The following CCDC3 variants were observed in gnomAD, a reference collection of about 807,000 sequenced individuals.
The protein encoded by CCDC3 is coiled-coil domain-containing protein 3.
Under a neutral mutation model 21.4 loss-of-function variants are expected in CCDC3, and 24 were observed. That is an observed-to-expected ratio of 1.12 (90% CI 0.81 to 1.58). The LOEUF (loss-of-function observed/expected upper bound fraction) is 1.58. CCDC3 is among the 40% of genes most tolerant of loss of function. CCDC3 has a pLI of 0.00. For missense variants in CCDC3, 425 were observed against 360.9 expected (o/e 1.18, Z -1.44); for synonymous variants, 186 against 166.0 (o/e 1.12, Z -0.93).
chr10:13,080,192 A>G (rs540621687), intron 3 of CCDC3, among the ~76,000 whole-genome samples: 51 of 152,234 alleles, frequency 3.4e-4, no homozygotes, highest in South Asian at 1.9e-3. Flanking sequence ...ACGGGATGGC[A>G]AAGAGAGAGA....
chr10:12,970,670 G>T (rs367931363), intron 2 of CCDC3, among the ~76,000 whole-genome samples: 2 of 152,290 alleles, frequency 1.3e-5, no homozygotes, highest in African/African-American at 4.8e-5. Flanking sequence ...GGGATCACCT[G>T]AGGCCAAGAG....
intron 5 of CCDC3, among the ~76,000 whole-genome samples, chr10:13,047,133 A>C (rs985738073): frequency 6.6e-6 from 1 of 152,224 alleles, no homozygotes; most frequent in Non-Finnish European, 1.5e-5. Context: ...GCTCATCGCC[A>C]TTCAGTTCTC....
intron 3 of CCDC3, among the ~76,000 whole-genome samples, chr10:13,090,703 A>G (rs1832556871): frequency 6.6e-6 from 1 of 152,234 alleles, no homozygotes; most frequent in Admixed American, 6.5e-5. Flanking sequence ...CCATAGATTG[A>G]AATCCTCACC....
chr10:12,965,176 C>T (rs773688126), intron 2 of CCDC3, among the ~76,000 whole-genome samples: 10 of 152,202 alleles, frequency 6.6e-5, no homozygotes, highest in Non-Finnish European at 1.3e-4. Flanking sequence ...AAATTGCCTA[C>T]ATCCCCCCTC....
At chr10:13,090,034 G>GATATATAT (rs66476163) in intron 3 of CCDC3, among the ~76,000 whole-genome samples, 9 of 129,148 alleles carry the variant, frequency 7.0e-5, no homozygotes, top group African/African-American at 2.1e-4. Context: ...TATTCCGTTA[G>GATATATAT]ATATATATAT....
At chr10:12,936,522 C>T (rs1207857381) in intron 2 of CCDC3, among the ~76,000 whole-genome samples, 5 of 152,056 alleles carry the variant, frequency 3.3e-5, no homozygotes, top group Admixed American at 6.5e-5. Flanking sequence ...CCACTGTGCC[C>T]GGCCACTTTC....
At chr10:12,958,617 C>G (rs549715044) in intron 2 of CCDC3, among the ~76,000 whole-genome samples, 1 of 152,186 alleles carries the variant, frequency 6.6e-6, no homozygotes, top group Non-Finnish European at 1.5e-5. Context: ...CAGCTCAAAA[C>G]TTCCATAGAG....
At chr10:12,913,293 T>G (rs1459964218) in intron 2 of CCDC3, among the ~76,000 whole-genome samples, 2 of 152,250 alleles carry the variant, frequency 1.3e-5, no homozygotes, top group African/African-American at 4.8e-5. Context: ...GTACAGTGGT[T>G]TCACCATTTT....
intron 5 of CCDC3, among the ~76,000 whole-genome samples, chr10:13,022,006 T>C (rs825419): frequency 1 from 151,681 of 152,180 alleles, 75,598 homozygotes; most frequent in East Asian, 1. Flanking sequence ...GTGATCTGCC[T>C]GCCTTGGCCT....
intron 2 of CCDC3, among the ~76,000 whole-genome samples, chr10:12,910,741 C>G (rs1308523220): frequency 6.6e-6 from 1 of 151,766 alleles, no homozygotes; most frequent in East Asian, 1.9e-4. Context: ...TCCTGAGTAG[C>G]TGGGACTACA....
chr10:12,908,994 C>T (rs1834222003), intron 2 of CCDC3, among the ~76,000 whole-genome samples: 1 of 152,144 alleles, frequency 6.6e-6, no homozygotes, highest in African/African-American at 2.4e-5. Flanking sequence ...TTCAGGATCC[C>T]AGAAAATCCA....
At chr10:13,065,773 C>T (rs1404762921) in intron 4 of CCDC3, among the ~76,000 whole-genome samples, 3 of 152,112 alleles carry the variant, frequency 2.0e-5, no homozygotes. Context: ...TCAATACTTA[C>T]CAGTTGATGC....
At chr10:13,073,991 C>T (rs1183301653) in exon 4 of CCDC3, 1 of 136,020 alleles carries the variant, frequency 7.4e-6, no homozygotes, top group East Asian at 2.2e-4. Flanking sequence ...TCTTTGTAAG[C>T]ACTAAGTTAC....
chr10:12,979,454 A>G (rs1835464427), intron 2 of CCDC3, among the ~76,000 whole-genome samples: 1 of 151,904 alleles, frequency 6.6e-6, no homozygotes, highest in African/African-American at 2.4e-5. Flanking sequence ...GTGCAGTGGC[A>G]TGATCACAGC....
chr10:13,058,021 G>A (rs757024401), intron 4 of CCDC3: 2 of 729,260 alleles, frequency 2.7e-6, no homozygotes, highest in South Asian at 1.4e-5. Context: ...ACTGTTTCTT[G>A]TAAGCATCTT....
chr10:13,041,464 C>T (rs1836452717), intron 5 of CCDC3, among the ~76,000 whole-genome samples: 1 of 145,332 alleles, frequency 6.9e-6, no homozygotes, highest in Non-Finnish European at 1.5e-5. Context: ...TTGATTTCCC[C>T]CTCGCTGTGT....
chr10:12,999,954 T>C (rs1239186380), intron 1 of CCDC3, among the ~76,000 whole-genome samples: 1 of 152,204 alleles, frequency 6.6e-6, no homozygotes, highest in African/African-American at 2.4e-5. Context: ...AAAAACTTAA[T>C]CTAGCTGAAC....
At chr10:13,001,131 G>A (rs916662136) in intron 1 of CCDC3, 66 bp downstream of exon 1, 2 of 1,509,712 alleles carry the variant, frequency 1.3e-6, no homozygotes, top group Admixed American at 2.1e-5. Context: ...CCTGGCTCTA[G>A]GTAACGGCGA....
chr10:13,032,129 A>G (rs1836313123), intron 5 of CCDC3, among the ~76,000 whole-genome samples: 1 of 152,010 alleles, frequency 6.6e-6, no homozygotes, highest in African/African-American at 2.4e-5. Context: ...AGCACATCAA[A>G]AAGCTTATCC....
Sources: gnomAD v4.1 joint callset for allele counts (sites outside exome capture counted in the v4.1 genomes callset) on GRCh38, gnomAD v4.1.1 for gene constraint, MANE v1.5 for transcripts, NCBI Gene and HGNC (gene_info 2026-07-23, HGNC 2026-07-21) for gene names.